The following NSFL1C variants were observed in gnomAD, a reference collection of about 807,000 sequenced individuals.
The protein encoded by NSFL1C is NSFL1 cofactor.
Under a neutral mutation model 43.1 loss-of-function variants are expected in NSFL1C, and 14 were observed. The ratio of observed to expected loss-of-function variants is 0.32; its 90% CI spans 0.21 to 0.51. The LOEUF is 0.51. Among genes scored for constraint, NSFL1C ranks in the 20% least tolerant of loss-of-function variants. The probability of loss-of-function intolerance (pLI) is 0.98; values close to 1 mark genes in which losing one functional copy is unlikely to be tolerated. For synonymous variants in NSFL1C, 171 were observed against 183.5 expected (o/e 0.93, Z 0.55); for missense variants, 406 against 472.5 (o/e 0.86, Z 1.30).
chr20:1,462,806 A>G (rs2090440587), intron 2 of NSFL1C, among the ~76,000 whole-genome samples: 1 of 152,148 alleles, frequency 6.6e-6, no homozygotes, highest in South Asian at 2.1e-4. Flanking sequence ...TACAGGTGTG[A>G]GCCACCGCGC....
At chr20:1,461,628 C>T (rs1437140400) in intron 2 of NSFL1C, among the ~76,000 whole-genome samples, 1 of 152,130 alleles carries the variant, frequency 6.6e-6, no homozygotes, top group Non-Finnish European at 1.5e-5. Context: ...CAAGAAGAGG[C>T]AGAACATTGT....
chr20:1,458,128 G>A, intron 3 of NSFL1C, 72 bp downstream of exon 3: 1 of 1,189,348 alleles, frequency 8.4e-7, no homozygotes, highest in Non-Finnish European at 1.3e-6. Context: ...ACCAGGTCCT[G>A]TTCTAGGTGA....
chr20:1,466,838 G>A lies in NSFL1C; in HGVS notation c.-14C>T, dbSNP rs1312109139. ...CTCCGCCGCCATCTTCGCCCCGTGC[G>A]CCTTCCAAAGCGCTCCGGCGGCCGC... On this transcript the variant is annotated 5_prime_UTR_variant, in exon 1 of 9. Transcript: ENST00000216879. The A allele has an allele frequency of 2.0e-6, 3 of 1,521,186 alleles. No homozygotes were observed. The highest frequency in any genetic ancestry group is 8.8e-7 in the Non-Finnish European group (1 of 1,137,178). 94.2% of individuals were successfully genotyped at this position (1,521,186 alleles called of 1,614,324 possible).
intron 7 of NSFL1C, among the ~76,000 whole-genome samples, chr20:1,451,597 C>A (rs998977247): frequency 6.6e-6 from 1 of 152,178 alleles, no homozygotes; most frequent in Non-Finnish European, 1.5e-5. Flanking sequence ...CAAGGAGGGT[C>A]ACTATGCTCT....
chr20:1,462,472 A>G (rs1568630227), intron 2 of NSFL1C, among the ~76,000 whole-genome samples: 1 of 150,846 alleles, frequency 6.6e-6, no homozygotes, highest in Non-Finnish European at 1.5e-5. Flanking sequence ...CAGTCTTTTT[A>G]CTCACTTCAG....
Position 1,443,357 on chromosome 20 carries a change from C to T in NSFL1C, c.*392G>A, listed in dbSNP as rs749545591. Reference sequence around the variant, plus strand: ...CTGTGGGGCTGGCGGGTGGGACACACTAGTGAATAAGCATTGTGTGCCACA... The same window carrying T: ...CTGTGGGGCTGGCGGGTGGGACACATTAGTGAATAAGCATTGTGTGCCACA... On this transcript the variant is annotated 3_prime_UTR_variant, in exon 9 of 9. Coordinates refer to ENST00000216879, the MANE Select transcript of NSFL1C (RefSeq NM_016143.5). 4 of 163,956 alleles carry T rather than the reference C, an allele frequency of 2.4e-5. No homozygotes were observed. Among genetic ancestry groups the T allele is most frequent in the Non-Finnish European group, 4.0e-5 (3 of 74,842 alleles). The allele number at this position is 163,956 out of a possible 1,614,324, so 10.2% of individuals were successfully genotyped here. A position where few individuals can be genotyped will look rare whatever the true frequency, so the allele number is the denominator to read the frequency against.
intron 2 of NSFL1C, chr20:1,463,407 C>T (rs950535018): frequency 6.6e-6 from 1 of 152,228 alleles, no homozygotes; most frequent in African/African-American, 2.4e-5. Flanking sequence ...CACGTGCAAA[C>T]AGTTACAAGA....
chr20:1,459,157 G>A (rs1381795508), intron 2 of NSFL1C, among the ~76,000 whole-genome samples: 1 of 152,216 alleles, frequency 6.6e-6, no homozygotes, highest in African/African-American at 2.4e-5. Flanking sequence ...GGGTGACATG[G>A]TTTGGCTCTG....
intron 7 of NSFL1C, among the ~76,000 whole-genome samples, chr20:1,447,085 T>A (rs1056502038): frequency 1.3e-5 from 2 of 152,220 alleles, no homozygotes; most frequent in Non-Finnish European, 2.9e-5. Flanking sequence ...AACTTACTCT[T>A]TTCTGTGAAT....
intron 3 of NSFL1C, among the ~76,000 whole-genome samples, chr20:1,457,476 G>A (rs990220719): frequency 9.9e-5 from 15 of 152,156 alleles, no homozygotes; most frequent in African/African-American, 3.4e-4. Flanking sequence ...ATTTTGAAAT[G>A]TACAATGCTG....
intron 3 of NSFL1C, chr20:1,456,744 G>C (rs1010913234): frequency 6.6e-6 from 1 of 151,904 alleles, no homozygotes; most frequent in South Asian, 2.1e-4. Flanking sequence ...CCTTGACCTG[G>C]TATTTCCATT....
At chr20:1,447,544 G>C (rs1228679673) in intron 7 of NSFL1C, among the ~76,000 whole-genome samples, 2 of 148,618 alleles carry the variant, frequency 1.3e-5, no homozygotes, top group African/African-American at 2.5e-5. Context: ...CAAAAGACTG[G>C]ACATTCCTGA....
intron 2 of NSFL1C, among the ~76,000 whole-genome samples, chr20:1,461,227 A>G (rs2090404739): frequency 6.6e-6 from 1 of 152,188 alleles, no homozygotes; most frequent in Admixed American, 6.5e-5. Flanking sequence ...AAATATCAGG[A>G]AAAGAGTTCA....
At chr20:1,461,503 T>C (rs1399350442) in intron 2 of NSFL1C, among the ~76,000 whole-genome samples, 1 of 151,874 alleles carries the variant, frequency 6.6e-6, no homozygotes, top group Non-Finnish European at 1.5e-5. Context: ...TAAGGAAGAA[T>C]TAGAGCACCA....
chr20:1,458,880 T>C (rs968848906), intron 2 of NSFL1C, among the ~76,000 whole-genome samples: 1 of 151,706 alleles, frequency 6.6e-6, no homozygotes, highest in Non-Finnish European at 1.5e-5. Flanking sequence ...CAAGCTCCAG[T>C]GTACTTCTGC....
At chr20:1,447,039 C>A (rs886717245) in intron 7 of NSFL1C, among the ~76,000 whole-genome samples, 1 of 152,186 alleles carries the variant, frequency 6.6e-6, no homozygotes, top group Admixed American at 6.5e-5. Flanking sequence ...TTAAATATTG[C>A]CCTGAAGCAT....
intron 7 of NSFL1C, among the ~76,000 whole-genome samples, chr20:1,447,608 A>C (rs1158828218): frequency 1.3e-5 from 2 of 152,130 alleles, no homozygotes; most frequent in African/African-American, 4.8e-5. Context: ...TTAACTCTCC[A>C]ATTAGACTTT....
intron 7 of NSFL1C, among the ~76,000 whole-genome samples, chr20:1,449,356 C>A (rs1389838158): frequency 6.6e-6 from 1 of 152,232 alleles, no homozygotes; most frequent in Non-Finnish European, 1.5e-5. Context: ...GGTCACCTGA[C>A]AGGCATTCCC....
rs1905253636 is a variant in NSFL1C, at chr20:1,455,083, G to C, written c.328C>G (p.Pro110Ala). The C allele has an allele frequency of 6.2e-7, 1 of 1,614,040 alleles. No individual in the cohort carries two copies. The highest frequency in any genetic ancestry group is 8.5e-7 in the Non-Finnish European group (1 of 1,180,030). ...AGCTCGTTGGGACTTTTCTTCCTGG[G>C]AGGGCCAACAATCTGCTGTCCACTT... is the stretch of plus-strand genomic sequence containing the variant. ...ERSGQQIVGP[P>A]RKKSPNELVD... Residue 110 changes from proline (P) to alanine (A), a missense_variant, in exon 4 of 9, where the codon CCC (proline) becomes GCC (alanine). By Grantham distance (27) the Pro-to-Ala change is conservative (BLOSUM62 -1). Coordinates refer to ENST00000216879, the MANE Select transcript of NSFL1C (RefSeq NM_016143.5).
Sources: allele counts gnomAD v4.1 joint callset (sites outside exome capture counted in the v4.1 genomes callset), GRCh38; gene constraint gnomAD v4.1.1; transcripts MANE v1.5; gene names NCBI Gene and HGNC (gene_info 2026-07-23, HGNC 2026-07-21).